The following PHF19 variants were observed in gnomAD, a reference collection of about 807,000 sequenced individuals.
PHF19 encodes the protein polycomb like 3.
A neutral mutation model predicts 79.8 loss-of-function variants in PHF19; 21 were observed. The ratio of observed to expected loss-of-function variants is 0.26; its 90% confidence interval spans 0.19 to 0.38. PHF19 has a LOEUF of 0.38. Ranked by LOEUF, PHF19 falls within the 10% of genes least tolerant of loss-of-function variation. PHF19 has a pLI of 1.00. For missense variants in PHF19, 445 were observed against 744.2 expected, an observed-to-expected ratio of 0.60 and a Z score of 4.68; for synonymous variants, 273 against 296.3, an observed-to-expected ratio of 0.92 and a Z score of 0.81.
At chr9:120,864,181 C>T in intron 9 of PHF19, 65 bp from the exon 10 acceptor site, 1 of 1,319,600 alleles carries the variant, frequency 7.6e-7, no homozygotes, top group Non-Finnish European at 1.1e-6. Flanking sequence ...GGCCCAAGCC[C>T]CTACTCCCTC....
At position 120,870,521 on chromosome 9, in the gene PHF19, C is replaced by T. The variant is rs752598252; in HGVS notation, c.286G>A (p.Glu96Lys). ...DIQHAGVPGE[E>K]PKCNICLGKT... ...CCTAGGCAGATGTTGCACTTGGGCT[C>T]CTCTCCTGGAACACCGGCTGAAAGA... The change falls in exon 4 of 15, where the codon GAG (glutamate) becomes AAG (lysine). Residue 96 changes from glutamate to lysine, a missense_variant. Physicochemically the swap from Glu to Lys is moderately conservative, Grantham distance 56. Around this residue, in one of 5 missense-constraint regions of PHF19, gnomAD observed 167 missense variants for 375.8 expected, o/e 0.44. Coordinates refer to ENST00000373896, the MANE Select transcript of PHF19 (RefSeq NM_015651.3). This position sits in a 1 kb window ranked among gnomAD's most constrained non-coding sequence, Gnocchi z 4.4. The T allele has an allele frequency of 6.2e-7, 1 of 1,610,534 alleles. No individual in the cohort carries two copies. Among genetic ancestry groups the T allele is most frequent in the Non-Finnish European group, 8.5e-7 (1 of 1,176,790 alleles).
intron 3 of PHF19, among the ~76,000 whole-genome samples, chr9:120,872,457 C>T (rs2045931116): frequency 6.6e-6 from 1 of 152,198 alleles, no homozygotes; most frequent in Non-Finnish European, 1.5e-5. Context: ...CATCTGGCTC[C>T]TTATGCTTTC....
At chr9:120,877,378 C>A, upstream of PHF19, 1 of 980,224 alleles carries the variant, frequency 1.0e-6, no homozygotes. Flanking sequence ...TAGCGGGGGC[C>A]GCGCCGGCCT....
intron 8 of PHF19, 31 bp downstream of exon 8, chr9:120,865,997 G>C: frequency 6.3e-7 from 1 of 1,589,134 alleles, no homozygotes; most frequent in South Asian, 1.1e-5. Flanking sequence ...GGGAGGAGCA[G>C]CGGTGGTTGG....
intron 1 of PHF19, among the ~76,000 whole-genome samples, chr9:120,890,349 C>T (rs1255075994): frequency 7.2e-6 from 1 of 138,664 alleles, no homozygotes; most frequent in African/African-American, 2.8e-5. Flanking sequence ...GGCTACTTGT[C>T]TCAGGGAGAG....
In PHF19 at chr9:120,874,050, G is replaced by A. The variant is rs188398223; in HGVS notation, c.197C>T (p.Ser66Phe). The change falls in exon 3 of 15, where the codon TCT (serine) becomes TTT (phenylalanine). Residue 66 changes from serine to phenylalanine, a missense_variant. By Grantham distance (155) the Ser-to-Phe change is radical. This residue lies in a region of PHF19 where 167 missense variants were observed against 375.8 expected (regional missense o/e 0.44). Transcript: ENST00000373896. The surrounding 1 kb of genome is among the most constrained non-coding windows in gnomAD (Gnocchi z 4.5). ...YLGKIKRVSS[S>F]KQSCLVTFED... is the part of the protein sequence containing the mutation. Reference sequence around the variant, plus strand: ...GAAAGTCACGAGGCAGCTTTGCTTAGAGCTGCTGACCTGGGGTACAGATAG... The same window carrying A: ...GAAAGTCACGAGGCAGCTTTGCTTAAAGCTGCTGACCTGGGGTACAGATAG... The A allele has an allele frequency of 5.0e-6, 8 of 1,598,554 alleles. No homozygotes were observed. In the Admixed American group the frequency reaches 6.7e-5, roughly 13 times the overall value.
At position 120,860,498 on chromosome 9, in the gene PHF19, G is replaced by A; in HGVS notation, c.1305-313C>T. 1 of 367,910 alleles carries A rather than the reference G, an allele frequency of 2.7e-6. No individual in the cohort carries two copies. Among genetic ancestry groups the A allele is most frequent in the South Asian group, 2.4e-5 (1 of 40,822 alleles). 22.8% of individuals were successfully genotyped at this position (367,910 alleles called of 1,614,324 possible). On this transcript the variant is annotated intron_variant, in intron 13 of 14. Transcript: ENST00000373896. The surrounding 1 kb of genome is among the most constrained non-coding windows in gnomAD (Gnocchi z 4.1). ...TGCTTTCATTTGCATTATCTTGTTT[G>A]AGGAAAAGAGCTGAGGAGGTTCAGA...
chr9:120,878,085 C>T (rs1342696671), upstream of PHF19, among the ~76,000 whole-genome samples: 1 of 152,130 alleles, frequency 6.6e-6, no homozygotes, highest in Non-Finnish European at 1.5e-5. Context: ...TTTTAAAATA[C>T]GGGTTAAGGA....
At chr9:120,871,824 G>A (rs2045903947) in intron 3 of PHF19, among the ~76,000 whole-genome samples, 1 of 152,044 alleles carries the variant, frequency 6.6e-6, no homozygotes, top group South Asian at 2.1e-4. Flanking sequence ...CGGATCACAA[G>A]GTCACGAGTT....
At chr9:120,881,109 G>A (rs1359970635), upstream of PHF19, among the ~76,000 whole-genome samples, 2 of 151,342 alleles carry the variant, frequency 1.3e-5, no homozygotes, top group Admixed American at 6.6e-5. Flanking sequence ...TGGGAAGGGA[G>A]GGACAGGAAT....
chr9:120,862,457 G>A lies in PHF19; in HGVS notation c.1130+131C>T, dbSNP rs979638993. The stretch of plus-strand genomic sequence containing the variant: ...TTGGGGATCTGGGATCTGGGATCCC[G>A]CTCAGCCACTATCTAGCCCTCTCAG... On this transcript the variant is annotated intron_variant, in intron 11 of 14. Transcript: ENST00000373896. This position sits in a 1 kb window ranked among gnomAD's most constrained non-coding sequence, Gnocchi z 4.6. 4.7e-5 allele frequency: 34 copies of A among 722,888 alleles called. No homozygotes were observed. The highest frequency in any genetic ancestry group is 2.7e-4 in the African/African-American group (15 of 56,572). 44.8% of individuals were successfully genotyped at this position (722,888 alleles called of 1,614,324 possible). A position where few individuals can be genotyped will look rare whatever the true frequency, so the allele number is the denominator to read the frequency against.
rs1327708784 is a variant in PHF19, at chr9:120,857,897, C to T, written c.*47G>A. ...AAAGCTGGGGAGCCTATGGCTTCTG[C>T]TGCTCCTCCTTTGGTTTTCAGGACC... On this transcript the variant is annotated 3_prime_UTR_variant, in exon 15 of 15. Transcript: ENST00000373896. 3 of 1,174,278 alleles carry T rather than the reference C, an allele frequency of 2.6e-6. No individual in the cohort carries two copies. The highest frequency in any genetic ancestry group is 3.1e-5 in the African/African-American group (2 of 65,368). 72.7% of individuals were successfully genotyped at this position (1,174,278 alleles called of 1,614,324 possible). A position where few individuals can be genotyped will look rare whatever the true frequency, so the allele number is the denominator to read the frequency against.
rs762792531 is a variant in PHF19, at chr9:120,861,869, G to A, written c.1218+49C>T. 5.4e-6 allele frequency: 7 copies of A among 1,305,578 alleles called. No individual in the cohort carries two copies. The Admixed American group carries it at 6.7e-5, about 13-fold the overall frequency. 80.9% of individuals were successfully genotyped at this position (1,305,578 alleles called of 1,614,324 possible). A position where few individuals can be genotyped will look rare whatever the true frequency, so the allele number is the denominator to read the frequency against. On this transcript the variant is annotated intron_variant, in intron 12 of 14. Coordinates refer to ENST00000373896, the MANE Select transcript of PHF19 (RefSeq NM_015651.3). ...TTTTCGGCACAGGAAGCCCTAATAT[G>A]TGCTGACCCTGCGTATGAAAATGGA...
chr9:120,866,165 T>A lies in PHF19; in HGVS notation c.711-69A>T. 1 of 1,111,342 alleles carries A rather than the reference T, an allele frequency of 9.0e-7. No individual in the cohort carries two copies. Among genetic ancestry groups the A allele is most frequent in the Non-Finnish European group, 1.4e-6 (1 of 722,632 alleles). 68.8% of individuals were successfully genotyped at this position (1,111,342 alleles called of 1,614,324 possible). Reference sequence around the variant, plus strand: ...GACACCCCCACCCCAGTCCAGCCCCTTGATCTCCTCATTCCCCACCTACCT... The same window carrying A: ...GACACCCCCACCCCAGTCCAGCCCCATGATCTCCTCATTCCCCACCTACCT... On this transcript the variant is annotated intron_variant, in intron 7 of 14. Transcript: ENST00000373896. The surrounding 1 kb of genome is among the most constrained non-coding windows in gnomAD (Gnocchi z 5.2).
chr9:120,870,885 CTT>C lies in PHF19; in HGVS notation c.269-349_269-348del. 6.6e-6 allele frequency among the ~76,000 whole-genome samples: 1 copy of C among 152,294 alleles called. No homozygotes were observed. Among genetic ancestry groups the C allele is most frequent in the Non-Finnish European group, 1.5e-5 (1 of 68,014 alleles). On this transcript the variant is annotated intron_variant, in intron 3 of 14. Coordinates refer to ENST00000373896, the MANE Select transcript of PHF19 (RefSeq NM_015651.3). The surrounding 1 kb of genome is among the most constrained non-coding windows in gnomAD (Gnocchi z 4.4). ...TTAAATGGTTGTTATTTTCTTAAAA[CTT>C]TATTATGGGATAATATAATTTGTTT...
upstream of PHF19, among the ~76,000 whole-genome samples, chr9:120,898,355 G>A (rs1179503947): frequency 3.3e-5 from 5 of 152,222 alleles, no homozygotes; most frequent in Admixed American, 6.5e-5. Context: ...GACCTCAGGC[G>A]ATCCTCCTGC....
chr9:120,862,099 C>T lies in PHF19; in HGVS notation c.1131-94G>A. 1 of 864,524 alleles carries T rather than the reference C, an allele frequency of 1.2e-6. No homozygotes were observed. The allele number at this position is 864,524 out of a possible 1,614,324, so 53.6% of individuals were successfully genotyped here. ...GGCGCCGCAGGGGCGGGGGTCACAG[C>T]AGTTGGGGAGACAGGCTCTGAACAC... On this transcript the variant is annotated intron_variant, in intron 11 of 14. Transcript: ENST00000373896. The surrounding 1 kb of genome is among the most constrained non-coding windows in gnomAD (Gnocchi z 4.6).
At chr9:120,890,338 T>C (rs1029999531) in intron 1 of PHF19, among the ~76,000 whole-genome samples, 1 of 147,370 alleles carries the variant, frequency 6.8e-6, no homozygotes, top group Non-Finnish European at 1.5e-5. Context: ...ATGTGAAACC[T>C]GGCTACTTGT....
chr9:120,897,989 A>G (rs2046415845), upstream of PHF19, among the ~76,000 whole-genome samples: 1 of 151,314 alleles, frequency 6.6e-6, no homozygotes, highest in African/African-American at 2.5e-5. Flanking sequence ...AAAAAAAAAA[A>G]AAAAAAAAAA....
Sources: allele counts gnomAD v4.1 joint callset (sites outside exome capture counted in the v4.1 genomes callset), GRCh38; gene constraint gnomAD v4.1.1; regional missense constraint gnomAD v4.1.1; non-coding constraint Gnocchi (gnomAD v3.1); transcripts MANE v1.5; gene names NCBI Gene and HGNC (gene_info 2026-07-23, HGNC 2026-07-21).